The following TET3 variants were observed in gnomAD, a reference collection of about 807,000 sequenced individuals.
TET3 encodes tet methylcytosine dioxygenase 3, also known as methylcytosine dioxygenase TET3.
Under a neutral mutation model 141.4 loss-of-function variants are expected in TET3, and 19 were observed. That is an observed-to-expected ratio of 0.13 (90% CI 0.09 to 0.20). TET3 has a LOEUF of 0.20. TET3 is among the 10% of genes least tolerant of loss of function. The pLI, the probability that TET3 is intolerant of heterozygous loss-of-function variation, is 1.00. For synonymous variants in TET3, 1,043 were observed against 980.9 expected (o/e 1.06, Z -1.18); for missense variants, 1,874 against 2,356.9 (o/e 0.80, Z 4.24).
chr2:74,046,215 G>C lies in TET3; in HGVS notation c.361-63G>C. The C allele has an allele frequency of 1.4e-6, 2 of 1,429,286 alleles. No individual in the cohort carries two copies. Among genetic ancestry groups the C allele is most frequent in the Non-Finnish European group, 1.8e-6 (2 of 1,082,684 alleles). 88.5% of individuals were successfully genotyped at this position (1,429,286 alleles called of 1,614,324 possible). On this transcript the variant is annotated intron_variant, in intron 3 of 11. Coordinates refer to ENST00000409262, the MANE Select transcript of TET3 (RefSeq NM_001287491.2). The surrounding 1 kb of genome is among the most constrained non-coding windows in gnomAD (Gnocchi z 4.3). The stretch of plus-strand genomic sequence containing the variant: ...TGTGCACCTGAGTGGTATGAAGCAG[G>C]GAAATGCTTTTCAAATAGTGTGGTT...
At chr2:74,061,047 G>A (rs1272415304) in intron 4 of TET3, among the ~76,000 whole-genome samples, 3 of 152,024 alleles carry the variant, frequency 2.0e-5, no homozygotes, top group Non-Finnish European at 4.4e-5. Flanking sequence ...CCCAGACGGG[G>A]TGGTGGCCGG....
At chr2:74,004,758 C>T (rs941988009) in intron 3 of TET3, among the ~76,000 whole-genome samples, 1 of 152,154 alleles carries the variant, frequency 6.6e-6, no homozygotes, top group African/African-American at 2.4e-5. Flanking sequence ...GCTCTCACTA[C>T]ACACTCTTTT....
intron 4 of TET3, among the ~76,000 whole-genome samples, chr2:74,068,198 TA>T: frequency 6.6e-6 from 1 of 151,506 alleles, no homozygotes; most frequent in Non-Finnish European, 1.5e-5. Context: ...TTTTAATTTT[TA>T]ATTTTTTTTA....
At chr2:74,131,883 A>C in the TET3 span, among the ~76,000 whole-genome samples, 4 of 137,172 alleles carry the variant, frequency 2.9e-5, no homozygotes, top group South Asian at 5.2e-4. Context: ...TCCTCTCCCA[A>C]CTTTCCTTTT....
rs573234411 is a variant in TET3, at chr2:74,102,351, C to T, written c.*175C>T. The T allele has an allele frequency of 3.3e-5, 34 of 1,037,982 alleles. 1 individual carries two copies. The highest frequency in any genetic ancestry group is 2.1e-4 in the Admixed American group (5 of 23,672). 64.3% of individuals were successfully genotyped at this position (1,037,982 alleles called of 1,614,324 possible). A position where few individuals can be genotyped will look rare whatever the true frequency, so the allele number is the denominator to read the frequency against. On this transcript the variant is annotated 3_prime_UTR_variant, in exon 12 of 12. Coordinates refer to ENST00000409262, the MANE Select transcript of TET3 (RefSeq NM_001287491.2). ...TATGGTCCAAACCTCAGAACTGACCCGCCCCTCCCTTACCCCCACTTCCCC... is the reference window on the plus strand; with the variant it reads ...TATGGTCCAAACCTCAGAACTGACCTGCCCCTCCCTTACCCCCACTTCCCC...
chr2:74,098,214 A>T lies in TET3; in HGVS notation c.3268-1062A>T, dbSNP rs1316633262. On this transcript the variant is annotated intron_variant, in intron 10 of 11. Transcript: ENST00000409262. ...TTCTAAGGAATTAAGAATCTTACAA[A>T]ATTTAGCTAAAAGGGTATTTCAAAA... Among the ~76,000 whole-genome samples the T allele has an allele frequency of 2.0e-5, 3 of 152,216 alleles. No individual in the cohort carries two copies. The East Asian group carries it at 5.8e-4, about 29-fold the overall frequency.
intron 3 of TET3, among the ~76,000 whole-genome samples, chr2:74,020,492 A>T (rs942361741): frequency 1.6e-4 from 25 of 152,290 alleles, no homozygotes; most frequent in African/African-American, 6.0e-4. Flanking sequence ...TGCATTTTAT[A>T]TGTAAGCTTT....
chr2:74,053,244 C>CA (rs1688044163), intron 4 of TET3, among the ~76,000 whole-genome samples: 1 of 106,496 alleles, frequency 9.4e-6, no homozygotes, highest in South Asian at 2.8e-4. Context: ...ATTGGAGAGT[C>CA]CCCCCCCAAC....
chr2:73,992,295 T>TTTTC (rs1437029793), intron 2 of TET3, among the ~76,000 whole-genome samples: 23 of 147,240 alleles, frequency 1.6e-4, no homozygotes, highest in African/African-American at 5.8e-4. Flanking sequence ...TCACAATCTT[T>TTTTC]TTTTCTTTTC....
In TET3 at chr2:74,105,206, AAG is replaced by A. The variant is rs1691429011; in HGVS notation, c.*3033_*3034del. On this transcript the variant is annotated 3_prime_UTR_variant, in exon 12 of 12. Coordinates refer to ENST00000409262, the MANE Select transcript of TET3 (RefSeq NM_001287491.2). ...GAACCTAACAGCATGACCAAGTTCG[AAG>A]AGTCATATTATAGCAACGGAAATCG... 3 of 398,642 alleles carry A rather than the reference AAG, an allele frequency of 7.5e-6. No individual in the cohort carries two copies. In the South Asian group the frequency reaches 3.8e-4, roughly 51 times the overall value. The allele number at this position is 398,642 out of a possible 1,614,324, so 24.7% of individuals were successfully genotyped here.
intron 6 of TET3, among the ~76,000 whole-genome samples, chr2:74,084,566 C>T (rs1690008960): frequency 6.6e-6 from 1 of 152,070 alleles, no homozygotes; most frequent in South Asian, 2.1e-4. Flanking sequence ...CATTCTCCTG[C>T]CTCAGCCTCC....
intron 4 of TET3, among the ~76,000 whole-genome samples, chr2:74,070,594 T>C: frequency 6.6e-6 from 1 of 152,370 alleles, no homozygotes; most frequent in African/African-American, 2.4e-5. Context: ...TTGCGGAATA[T>C]ATTCCATAAT....
Position 74,100,986 on chromosome 2 carries a change from C to A in TET3, c.4198C>A (p.Pro1400Thr), listed in dbSNP as rs1691172043. ...CTACAACAGATCCATCAAGCAAGAGCCAGTAGACCCGCTGACCCAGGCTGA... is the reference window on the plus strand; with the variant it reads ...CTACAACAGATCCATCAAGCAAGAGACAGTAGACCCGCTGACCCAGGCTGA... ...NCYNRSIKQE[P>T]VDPLTQAEPV... Residue 1400 changes from proline (P) to threonine (T), a missense_variant, in exon 12 of 12, where the codon CCA becomes ACA. This residue lies in a region of TET3 where 602 missense variants were observed against 590.2 expected (regional missense o/e 1.02). Coordinates refer to ENST00000409262, the MANE Select transcript of TET3 (RefSeq NM_001287491.2). The A allele has an allele frequency of 1.2e-6, 2 of 1,612,630 alleles. No individual in the cohort carries two copies. The highest frequency in any genetic ancestry group is 1.7e-6 in the Non-Finnish European group (2 of 1,179,422).
At chr2:73,992,172 G>A (rs140010727) in intron 2 of TET3, among the ~76,000 whole-genome samples, 1,547 of 152,292 alleles carry the variant, frequency 0.01, 17 homozygotes, top group African/African-American at 0.026. Flanking sequence ...GACAGACACT[G>A]GGTCCCTGTG....
At chr2:74,001,646 G>C (rs1033782067) in intron 2 of TET3, among the ~76,000 whole-genome samples, 1 of 152,180 alleles carries the variant, frequency 6.6e-6, no homozygotes, top group South Asian at 2.1e-4. Context: ...GGTAGGGAAC[G>C]ATGTGCCCTG....
intron 4 of TET3, among the ~76,000 whole-genome samples, chr2:74,063,907 A>T (rs1054387217): frequency 2.7e-4 from 41 of 151,780 alleles, no homozygotes; most frequent in Admixed American, 7.2e-4. Flanking sequence ...AAAAAAAAAA[A>T]AATAAGTAAA....
chr2:74,105,110 T>G lies in TET3; in HGVS notation c.*2934T>G. The G allele has an allele frequency of 2.5e-6, 1 of 398,590 alleles. No individual in the cohort carries two copies. 24.7% of individuals were successfully genotyped at this position (398,590 alleles called of 1,614,324 possible). On this transcript the variant is annotated 3_prime_UTR_variant, in exon 12 of 12. Coordinates refer to ENST00000409262, the MANE Select transcript of TET3 (RefSeq NM_001287491.2). ...TTTTTATTTTTTACTGGCACTATCA[T>G]TTTTTAAGTCCTAAAGATGATTAAC...
Position 74,068,168 on chromosome 2 carries a change from G to A in TET3, c.2495-5381G>A, listed in dbSNP as rs146832029. 7.2e-4 allele frequency among the ~76,000 whole-genome samples: 109 copies of A among 152,106 alleles called. 1 individual carries two copies. The East Asian group carries it at 0.019, about 27-fold the overall frequency. On this transcript the variant is annotated intron_variant, in intron 4 of 11. Transcript: ENST00000409262. The stretch of plus-strand genomic sequence containing the variant: ...CATCTGCCTGGCTGCACACTCCATG[G>A]CTGTTATTTTTTTTTTAATTTTTAA...
chr2:73,984,658 G>T (rs1683901661), upstream of TET3, among the ~76,000 whole-genome samples: 1 of 151,796 alleles, frequency 6.6e-6, no homozygotes, highest in Non-Finnish European at 1.5e-5. The surrounding 1 kb of genome is among the most constrained non-coding windows in gnomAD (Gnocchi z 5.6). Context: ...CGAAGGGGGC[G>T]GCCGCCTCCC....
Sources: gnomAD v4.1 joint callset for allele counts (sites outside exome capture counted in the v4.1 genomes callset) on GRCh38, gnomAD v4.1.1 for gene constraint, gnomAD v4.1.1 regional missense constraint, Gnocchi (gnomAD v3.1) non-coding constraint, MANE v1.5 for transcripts, NCBI Gene and HGNC (gene_info 2026-07-23, HGNC 2026-07-21) for gene names.